The following MYO3B variants were observed in gnomAD, a reference collection of about 807,000 sequenced individuals.
MYO3B encodes myosin-IIIb.
In MYO3B, 156 loss-of-function variants were observed where a neutral mutation model predicts 174.6. The observed-to-expected ratio is 0.89, with a 90% CI of 0.78 to 1.02. MYO3B has a LOEUF of 1.02. Ranked by LOEUF, MYO3B falls within the 50% of genes least tolerant of loss-of-function variation. The pLI is 0.00. For missense variants in MYO3B, 1,632 were observed against 1,639.4 expected (o/e 1.00, Z 0.08); for synonymous variants, 563 against 569.1 (o/e 0.99, Z 0.15).
At chr2:170,178,599 C>A (rs147888814) in intron 1 of MYO3B, among the ~76,000 whole-genome samples, 108 of 152,116 alleles carry the variant, frequency 7.1e-4, no homozygotes, top group African/African-American at 2.5e-3. Context: ...AGTTCATAGT[C>A]ACTTGATTTG....
intron 32 of MYO3B, among the ~76,000 whole-genome samples, chr2:170,640,041 T>C (rs1201619248): frequency 1.3e-5 from 2 of 152,196 alleles, no homozygotes; most frequent in Admixed American, 1.3e-4. Context: ...CTTTTCAAAA[T>C]GGCAGATAGC....
intron 32 of MYO3B, chr2:170,646,926 T>G: frequency 7.4e-7 from 1 of 1,360,100 alleles, no homozygotes; most frequent in Non-Finnish European, 9.8e-7. Flanking sequence ...ACATTACGGA[T>G]GTAACTTTTA....
At chr2:170,519,105 C>T (rs761335055) in intron 29 of MYO3B, among the ~76,000 whole-genome samples, 2 of 152,178 alleles carry the variant, frequency 1.3e-5, no homozygotes, top group Non-Finnish European at 2.9e-5. Context: ...CTGTCTAGCA[C>T]AGTGTTGTTC....
At chr2:170,223,530 G>A (rs2092922843) in intron 6 of MYO3B, among the ~76,000 whole-genome samples, 1 of 152,198 alleles carries the variant, frequency 6.6e-6, no homozygotes, top group African/African-American at 2.4e-5. Context: ...GGTGGGTAAT[G>A]GTGACTGGAA....
At chr2:170,537,578 C>T (rs1254396981) in intron 30 of MYO3B, among the ~76,000 whole-genome samples, 2 of 145,898 alleles carry the variant, frequency 1.4e-5, no homozygotes, top group African/African-American at 5.1e-5. Context: ...TCCTGAGTAG[C>T]TGGGACTACA....
chr2:170,411,937 T>C (rs961512139), intron 22 of MYO3B: 1 of 152,260 alleles, frequency 6.6e-6, no homozygotes, highest in Non-Finnish European at 1.5e-5. Context: ...CTCTGTTCTC[T>C]TCTCATGCTT....
chr2:170,568,393 T>C (rs1692212416), intron 32 of MYO3B, among the ~76,000 whole-genome samples: 1 of 152,228 alleles, frequency 6.6e-6, no homozygotes, highest in African/African-American at 2.4e-5. Context: ...CTGCACTGAC[T>C]CTCTAACAAT....
At chr2:170,398,228 GAAAAA>G (rs34432719) in intron 16 of MYO3B, among the ~76,000 whole-genome samples, 2,719 of 88,000 alleles carry the variant, frequency 0.031, 45 homozygotes, top group African/African-American at 0.11. Flanking sequence ...TGTCTCAAAA[GAAAAA>G]AAAAAAAAAA....
intron 22 of MYO3B, among the ~76,000 whole-genome samples, chr2:170,438,588 A>G (rs1371496513): frequency 6.6e-6 from 1 of 151,880 alleles, no homozygotes; most frequent in Non-Finnish European, 1.5e-5. Flanking sequence ...CCTCTTTAGC[A>G]CTTGTTTCTG....
chr2:170,214,757 T>G lies in MYO3B; in HGVS notation c.455T>G (p.Ile152Ser), dbSNP rs1190568986. 6.2e-7 allele frequency: 1 copy of G among 1,614,180 alleles called. No individual in the cohort carries two copies. Among genetic ancestry groups the G allele is most frequent in the Non-Finnish European group, 8.5e-7 (1 of 1,180,016 alleles). ...CTTCAGCATTTGCACAACAACCGAATCATCCACCGTGATGTGAAGGGGAAT... is the reference window on the plus strand; with the variant it reads ...CTTCAGCATTTGCACAACAACCGAAGCATCCACCGTGATGTGAAGGGGAAT... ...LGLQHLHNNR[I>S]IHRDVKGNNI... The change falls in exon 5 of 35, where the codon ATC becomes AGC. Residue 152 changes from isoleucine (I) to serine (S), a missense_variant. Transcript: ENST00000408978.
At chr2:170,391,641 G>T (rs1163406139) in intron 15 of MYO3B, 23 bp downstream of exon 15, 2 of 1,353,626 alleles carry the variant, frequency 1.5e-6, no homozygotes, top group African/African-American at 3.0e-5. Flanking sequence ...GGGGTTGGTT[G>T]TTAATTTTTG....
intron 7 of MYO3B, among the ~76,000 whole-genome samples, chr2:170,292,709 G>C (rs1369403784): frequency 6.6e-6 from 1 of 152,146 alleles, no homozygotes; most frequent in South Asian, 2.1e-4. Context: ...TATCCAACCA[G>C]TGTGGGAAGG....
intron 6 of MYO3B, among the ~76,000 whole-genome samples, chr2:170,223,602 A>G (rs2105387512): frequency 6.6e-6 from 1 of 152,338 alleles, no homozygotes; most frequent in South Asian, 2.1e-4. Context: ...CGCTGTTAAT[A>G]TTGCTCAACC....
chr2:170,228,960 CAAAAAAAAAAAA>C lies in MYO3B; in HGVS notation c.604-7021_604-7010del, dbSNP rs539746576. 1.3e-3 allele frequency among the ~76,000 whole-genome samples: 132 copies of C among 98,324 alleles called. 1 individual carries two copies. Among genetic ancestry groups the C allele is most frequent in the African/African-American group, 4.2e-3 (122 of 29,280 alleles). The allele number at this position is 98,324 out of a possible 152,430, so 64.5% of individuals were successfully genotyped here. A position where few individuals can be genotyped will look rare whatever the true frequency, so the allele number is the denominator to read the frequency against. ...GTTCATCTAGTCCATATTCCCTTTA[CAAAAAAAAAAAA>C]AAAAAAAAACAACGAATCTCAAATG... On this transcript the variant is annotated intron_variant, in intron 6 of 34. Transcript: ENST00000408978.
chr2:170,533,158 G>A (rs1575126005), intron 30 of MYO3B, among the ~76,000 whole-genome samples: 4 of 152,244 alleles, frequency 2.6e-5, no homozygotes, highest in South Asian at 2.1e-4. Context: ...GCTCAGTGAT[G>A]GTCCTCAAGC....
chr2:170,223,098 G>A (rs75279791), intron 6 of MYO3B, among the ~76,000 whole-genome samples: 2,178 of 152,094 alleles, frequency 0.014, 22 homozygotes, highest in Middle Eastern at 0.037. Flanking sequence ...CCAGACTTTT[G>A]TTCTCTCCTA....
intron 8 of MYO3B, among the ~76,000 whole-genome samples, chr2:170,356,116 A>G (rs2094118603): frequency 6.6e-6 from 1 of 151,764 alleles, no homozygotes; most frequent in Admixed American, 6.6e-5. Flanking sequence ...GCCCGCCACC[A>G]TGCCCGGCTG....
At chr2:170,630,588 C>T (rs1696869000) in intron 32 of MYO3B, among the ~76,000 whole-genome samples, 1 of 152,180 alleles carries the variant, frequency 6.6e-6, no homozygotes, top group Non-Finnish European at 1.5e-5. Flanking sequence ...AACAGATAGC[C>T]TGCCTCCTCA....
chr2:170,365,911 C>T (rs1340325345), intron 8 of MYO3B, among the ~76,000 whole-genome samples: 1 of 152,126 alleles, frequency 6.6e-6, no homozygotes, highest in East Asian at 1.9e-4. Flanking sequence ...AGATAAATTC[C>T]TTGTCTGTGA....
Sources: gnomAD v4.1 joint callset for allele counts (sites outside exome capture counted in the v4.1 genomes callset) on GRCh38, gnomAD v4.1.1 for gene constraint, MANE v1.5 for transcripts, NCBI Gene and HGNC (gene_info 2026-07-23, HGNC 2026-07-21) for gene names.